The following NUCB1 variants were observed in gnomAD, a reference collection of about 807,000 sequenced individuals.
NUCB1 encodes nucleobindin 1, also known as nucleobindin-1.
In NUCB1, 47 loss-of-function variants were observed where a neutral mutation model predicts 61.2. The ratio of observed to expected loss-of-function variants is 0.77; its 90% CI spans 0.61 to 0.98. The LOEUF is 0.98. Among genes scored for constraint, NUCB1 ranks in the 50% least tolerant of loss-of-function variants. The pLI, the probability that NUCB1 is intolerant of heterozygous loss-of-function variation, is 0.00. For missense variants in NUCB1, 583 were observed against 605.3 expected, an observed-to-expected ratio of 0.96 and a Z score of 0.39; for synonymous variants, 234 against 243.1, an observed-to-expected ratio of 0.96 and a Z score of 0.35.
At chr19:48,919,307 C>T (rs758081065) in intron 10 of NUCB1, 21 bp downstream of exon 10, 3 of 1,579,266 alleles carry the variant, frequency 1.9e-6, no homozygotes, top group Non-Finnish European at 2.6e-6. Context: ...GGGGGATACT[C>T]GGGGTCCTGA....
At chr19:48,903,949 A>AGTGGATGGATGG (rs1204945083) in intron 2 of NUCB1, among the ~76,000 whole-genome samples, 3 of 53,598 alleles carry the variant, frequency 5.6e-5, no homozygotes, top group African/African-American at 2.3e-4. Context: ...TGGATGGATG[A>AGTGGATGGATGG]GTGGATGGAT....
chr19:48,900,995 C>T, intron 2 of NUCB1, 64 bp downstream of exon 2: 1 of 1,598,226 alleles, frequency 6.3e-7, no homozygotes, highest in South Asian at 1.1e-5. Context: ...CCTGCAGACC[C>T]CGGTGCCCGT....
chr19:48,918,986 C>A, intron 8 of NUCB1, 44 bp from the exon 9 acceptor site: 1 of 1,578,664 alleles, frequency 6.3e-7, no homozygotes, highest in Non-Finnish European at 8.7e-7. Context: ...AATGAGCTCG[C>A]TGGGGACCTC....
At chr19:48,922,020 G>T in intron 12 of NUCB1, 88 bp downstream of exon 12, 1 of 1,030,204 alleles carries the variant, frequency 9.7e-7, no homozygotes. Context: ...TCCCAGATCT[G>T]AGGGAAGAGG....
At position 48,921,307 on chromosome 19, in the gene NUCB1, AAG is replaced by A. The variant is rs2037607520; in HGVS notation, c.1163_1164del (p.Glu388AlafsTer29). ...GRSQGRLEAQ[K>X]RELQQAVLHM... ...GTCCCAGGGCCGCCTGGAGGCCCAG[AAG>A]AGAGAGCTGCAGCAGGTGACAGCGG... is the stretch of plus-strand genomic sequence containing the variant. On this transcript the variant is annotated frameshift_variant, in exon 11 of 13. Coordinates refer to ENST00000405315, the MANE Select transcript of NUCB1 (RefSeq NM_006184.6). LOFTEE classifies it high-confidence loss of function. The A allele has an allele frequency of 6.3e-7, 1 of 1,591,216 alleles. No homozygotes were observed. Among genetic ancestry groups the A allele is most frequent in the Non-Finnish European group, 8.6e-7 (1 of 1,169,578 alleles).
chr19:48,906,538 T>C (rs2037414983), intron 4 of NUCB1, among the ~76,000 whole-genome samples: 1 of 151,648 alleles, frequency 6.6e-6, no homozygotes, highest in East Asian at 1.9e-4. Context: ...CTGGGCAACA[T>C]AGCAAGACCC....
At chr19:48,919,346 C>G (rs1243417037) in intron 10 of NUCB1, 60 bp downstream of exon 10, 11 of 1,301,482 alleles carry the variant, frequency 8.5e-6, no homozygotes, top group Non-Finnish European at 1.2e-5. Flanking sequence ...CATGACCTTT[C>G]TTTCAGAATC....
At chr19:48,912,843 C>CAAAA (rs5828367) in intron 5 of NUCB1, among the ~76,000 whole-genome samples, 168 bp from the exon 6 acceptor site, 1,164 of 95,250 alleles carry the variant, frequency 0.012, 41 homozygotes, top group African/African-American at 0.043. Context: ...GACTCCCTCT[C>CAAAA]AAAAAAAAAA....
intron 10 of NUCB1, among the ~76,000 whole-genome samples, chr19:48,920,778 C>G (rs2037600510): frequency 6.6e-6 from 1 of 152,166 alleles, no homozygotes; most frequent in South Asian, 2.1e-4. Flanking sequence ...CCACCTCGGC[C>G]TCCGAAAGTG....
intron 4 of NUCB1, among the ~76,000 whole-genome samples, chr19:48,907,596 T>TAA (rs2122174319): frequency 6.6e-6 from 1 of 152,248 alleles, no homozygotes; most frequent in African/African-American, 2.4e-5. Flanking sequence ...GTCTTTAATG[T>TAA]AATCCCATCC....
At chr19:48,913,248 CAAGACAAG>C in intron 6 of NUCB1, 52 bp downstream of exon 6, 1 of 1,536,138 alleles carries the variant, frequency 6.5e-7, no homozygotes, top group Non-Finnish European at 8.8e-7. Context: ...AGTTCAAACG[CAAGACAAG>C]AAAGCAGTTA....
At chr19:48,901,094 T>A in intron 2 of NUCB1, 163 bp downstream of exon 2, 1 of 822,398 alleles carries the variant, frequency 1.2e-6, no homozygotes, top group Non-Finnish European at 2.0e-6. Flanking sequence ...TTTGACTTGG[T>A]GAAAAACTGG....
At chr19:48,905,190 G>A (rs1035635745) in intron 3 of NUCB1, among the ~76,000 whole-genome samples, 1 of 152,306 alleles carries the variant, frequency 6.6e-6, no homozygotes, top group East Asian at 1.9e-4. Context: ...CAAGTGTTGT[G>A]GGAGGGCTGC....
chr19:48,921,131 T>A, intron 10 of NUCB1, 23 bp from the exon 11 acceptor site: 1 of 1,584,038 alleles, frequency 6.3e-7, no homozygotes, highest in Non-Finnish European at 8.6e-7. Context: ...GTGCCCCTGA[T>A]GGCCCCTGTG....
At chr19:48,904,058 C>T (rs1244823893) in intron 2 of NUCB1, among the ~76,000 whole-genome samples, 2 of 136,158 alleles carry the variant, frequency 1.5e-5, no homozygotes, top group Admixed American at 1.5e-4. Context: ...TGGGTGGATG[C>T]ATGGATGAAT....
intron 2 of NUCB1, 127 bp downstream of exon 2, chr19:48,901,058 C>A: frequency 2.7e-6 from 3 of 1,101,610 alleles, no homozygotes; most frequent in East Asian, 2.5e-5. Flanking sequence ...TTGTTTTTTG[C>A]CCACCATTCC....
intron 2 of NUCB1, among the ~76,000 whole-genome samples, chr19:48,901,820 C>T (rs1010788269): frequency 3.3e-5 from 5 of 152,214 alleles, no homozygotes; most frequent in Non-Finnish European, 5.9e-5. Flanking sequence ...CCCCCTGGAA[C>T]GGATCATTGC....
chr19:48,919,678 A>G (rs1355300913), intron 10 of NUCB1, among the ~76,000 whole-genome samples: 4 of 148,960 alleles, frequency 2.7e-5, no homozygotes, highest in Non-Finnish European at 5.9e-5. Flanking sequence ...GGATTTCACC[A>G]TGTTGGCCAG....
intron 4 of NUCB1, among the ~76,000 whole-genome samples, chr19:48,909,536 C>T (rs769406198): frequency 1.1e-4 from 16 of 151,542 alleles, no homozygotes; most frequent in Non-Finnish European, 2.2e-4. Context: ...TGTGAGCCAC[C>T]GCGCCCGGCC....
Sources: allele counts gnomAD v4.1 joint callset (sites outside exome capture counted in the v4.1 genomes callset), GRCh38; gene constraint gnomAD v4.1.1; transcripts MANE v1.5; gene names NCBI Gene and HGNC (gene_info 2026-07-23, HGNC 2026-07-21).